ADAMTS18: variants seen among roughly 807,000 people sequenced by gnomAD.
ADAMTS18 encodes the protein A disintegrin and metalloproteinase with thrombospondin motifs 18.
In ADAMTS18, 157 loss-of-function variants were observed where a neutral mutation model predicts 165.9. The ratio of observed to expected loss-of-function variants is 0.95; its 90% CI spans 0.83 to 1.08. The LOEUF is 1.08. ADAMTS18 is among the 50% of genes least tolerant of loss of function. The pLI is 0.00. For missense variants in ADAMTS18, 2,040 were observed against 1,534.0 expected, an observed-to-expected ratio of 1.33 and a Z score of -5.51; for synonymous variants, 782 against 578.2, an observed-to-expected ratio of 1.35 and a Z score of -5.06.
intron 16 of ADAMTS18, among the ~76,000 whole-genome samples, chr16:77,311,626 T>G (rs1187853899): frequency 6.6e-6 from 1 of 151,864 alleles, no homozygotes; most frequent in Non-Finnish European, 1.5e-5. Flanking sequence ...AACAATAAAG[T>G]GTAATTTAAA....
chr16:77,359,174 C>A, intron 8 of ADAMTS18, 144 bp downstream of exon 8: 2 of 751,784 alleles, frequency 2.7e-6, no homozygotes, highest in South Asian at 1.6e-5. Context: ...TTTAGTGAGC[C>A]CTTTGTATAG....
At chr16:77,324,408 G>C (rs956620226) in intron 13 of ADAMTS18, among the ~76,000 whole-genome samples, 5 of 152,124 alleles carry the variant, frequency 3.3e-5, no homozygotes, top group Admixed American at 2.0e-4. Flanking sequence ...TTTTCATTTT[G>C]GACAGTTAAT....
At chr16:77,303,867 A>G (rs1412841074) in intron 16 of ADAMTS18, among the ~76,000 whole-genome samples, 1 of 152,150 alleles carries the variant, frequency 6.6e-6, no homozygotes, top group Non-Finnish European at 1.5e-5. Context: ...ATCTCTACTA[A>G]AAATATTAAA....
chr16:77,413,282 A>T (rs2057488617), intron 3 of ADAMTS18, among the ~76,000 whole-genome samples: 1 of 152,174 alleles, frequency 6.6e-6, no homozygotes, highest in South Asian at 2.1e-4. Flanking sequence ...ACCAGGACTC[A>T]GCAAGGGAAT....
At chr16:77,366,780 C>T (rs2434896) in intron 4 of ADAMTS18, among the ~76,000 whole-genome samples, 125,013 of 152,094 alleles carry the variant, frequency 0.82, 51,743 homozygotes, top group African/African-American at 0.91. Flanking sequence ...CAAAACTTAA[C>T]AGGAAAAAAT....
intron 17 of ADAMTS18, 95 bp downstream of exon 17, chr16:77,300,168 G>T: frequency 6.9e-7 from 1 of 1,439,818 alleles, no homozygotes; most frequent in Non-Finnish European, 9.7e-7. Flanking sequence ...TTCTTGGGTG[G>T]CTTATTTAAA....
chr16:77,367,378 G>A, intron 4 of ADAMTS18, 63 bp downstream of exon 4: 2 of 1,598,844 alleles, frequency 1.3e-6, no homozygotes, highest in East Asian at 4.5e-5. Flanking sequence ...ACACCCAACA[G>A]CACTCAGGAA....
At chr16:77,374,784 T>C (rs1232609102) in intron 3 of ADAMTS18, among the ~76,000 whole-genome samples, 2 of 152,204 alleles carry the variant, frequency 1.3e-5, no homozygotes, top group Admixed American at 6.5e-5. Context: ...ATGGGCATCC[T>C]ATATTGAGAC....
At chr16:77,304,531 T>A (rs1039283204) in intron 16 of ADAMTS18, among the ~76,000 whole-genome samples, 1 of 152,236 alleles carries the variant, frequency 6.6e-6, no homozygotes, top group African/African-American at 2.4e-5. Context: ...AAAGACAAAC[T>A]GTTACACTGT....
At chr16:77,425,435 A>C (rs1043552470) in intron 3 of ADAMTS18, among the ~76,000 whole-genome samples, 1 of 152,200 alleles carries the variant, frequency 6.6e-6, no homozygotes, top group African/African-American at 2.4e-5. Flanking sequence ...GATCCAAGAG[A>C]AACAGCAAAG....
intron 3 of ADAMTS18, among the ~76,000 whole-genome samples, chr16:77,388,836 G>C (rs1024218850): frequency 6.6e-6 from 1 of 152,138 alleles, no homozygotes; most frequent in Non-Finnish European, 1.5e-5. Flanking sequence ...CTGGTACCAG[G>C]AGTAGTATCT....
chr16:77,301,714 T>A (rs1264978220), intron 16 of ADAMTS18, among the ~76,000 whole-genome samples: 1 of 152,238 alleles, frequency 6.6e-6, no homozygotes, highest in Admixed American at 6.5e-5. Context: ...ACAAAATGAC[T>A]TCTATTTTGC....
intron 3 of ADAMTS18, among the ~76,000 whole-genome samples, chr16:77,379,359 G>A (rs1461047694): frequency 6.6e-6 from 1 of 152,192 alleles, no homozygotes; most frequent in East Asian, 1.9e-4. Context: ...GCTTGCTACT[G>A]GCCTTAAAGA....
chr16:77,352,626 A>AGTGATG (rs2056571821), intron 10 of ADAMTS18, among the ~76,000 whole-genome samples: 1 of 152,054 alleles, frequency 6.6e-6, no homozygotes, highest in Admixed American at 6.6e-5. Context: ...AAATGGTGAT[A>AGTGATG]GTGATGGTGA....
At chr16:77,372,232 G>C (rs2056886724) in intron 3 of ADAMTS18, among the ~76,000 whole-genome samples, 2 of 152,118 alleles carry the variant, frequency 1.3e-5, no homozygotes, top group African/African-American at 4.8e-5. Context: ...ATTAAATATA[G>C]TTCTACCATA....
chr16:77,309,080 C>T (rs1950421455), intron 16 of ADAMTS18, among the ~76,000 whole-genome samples: 1 of 152,106 alleles, frequency 6.6e-6, no homozygotes, highest in South Asian at 2.1e-4. Context: ...TTATGCCAGA[C>T]TTATGTTGTA....
At position 77,353,764 on chromosome 16, in the gene ADAMTS18, T is replaced by G. The variant is rs1264179702; in HGVS notation, c.1583A>C (p.Lys528Thr). 4 of 1,614,044 alleles carry G rather than the reference T, an allele frequency of 2.5e-6. No homozygotes were observed. ...DTQCKWQFGA[K>T]AKLCSLGFVK... is the part of the protein sequence containing the mutation. Reference sequence around the variant, plus strand: ...AAAACCAAGGCTGCATAACTTGGCTTTTGCTCCAAATTGCCATTTACACTG... The same window carrying G: ...AAAACCAAGGCTGCATAACTTGGCTGTTGCTCCAAATTGCCATTTACACTG... The change falls in exon 10 of 23, where the codon AAA (lysine) becomes ACA (threonine). Residue 528 changes from lysine (K) to threonine (T), a missense_variant. Lys to Thr is a moderately conservative substitution (Grantham distance 78, BLOSUM62 -1). Transcript: ENST00000282849.
intron 16 of ADAMTS18, among the ~76,000 whole-genome samples, chr16:77,312,393 A>AT (rs1032010061): frequency 1.9e-4 from 29 of 152,194 alleles, no homozygotes; most frequent in African/African-American, 6.3e-4. Flanking sequence ...GCCCGCCACC[A>AT]TGCCCAGCTA....
intron 16 of ADAMTS18, among the ~76,000 whole-genome samples, chr16:77,313,303 G>GT (rs2055818180): frequency 1.3e-5 from 2 of 152,002 alleles, no homozygotes; most frequent in African/African-American, 4.8e-5. Context: ...GTCGGGTGGG[G>GT]GCAGGGGGGA....
Sources: gnomAD v4.1 joint callset for allele counts (sites outside exome capture counted in the v4.1 genomes callset) on GRCh38, gnomAD v4.1.1 for gene constraint, MANE v1.5 for transcripts, NCBI Gene and HGNC (gene_info 2026-07-23, HGNC 2026-07-21) for gene names.